The following LOXHD1 variants were observed in gnomAD, a reference collection of about 807,000 sequenced individuals.
LOXHD1 encodes the protein lipoxygenase homology PLAT domains 1, also known as lipoxygenase homology domain-containing protein 1.
A neutral mutation model predicts 248.2 loss-of-function variants in LOXHD1; 205 were observed. The observed-to-expected ratio is 0.83, with a 90% confidence interval of 0.74 to 0.93. The LOEUF (loss-of-function observed/expected upper bound fraction) is 0.93, where lower values mean the gene tolerates loss of function less well. LOXHD1 is among the 40% of genes least tolerant of loss of function. The pLI is 0.00. For synonymous variants in LOXHD1, 1,113 were observed against 1,162.8 expected, an observed-to-expected ratio of 0.96 and a Z score of 0.87; for missense variants, 2,930 against 2,971.6, an observed-to-expected ratio of 0.99 and a Z score of 0.33.
In LOXHD1 at chr18:46,623,054, C is replaced by T. The variant is rs115304794; in HGVS notation, c.512-4764G>A. On this transcript the variant is annotated intron_variant, in intron 4 of 40. Coordinates refer to ENST00000642948, the MANE Select transcript of LOXHD1 (RefSeq NM_001384474.1). Reference sequence around the variant, plus strand: ...AGCTCTAGAGCTGGCCTGTGATTTACCCATTTAGTGTATTATCTGTTGTTC... The same window carrying T: ...AGCTCTAGAGCTGGCCTGTGATTTATCCATTTAGTGTATTATCTGTTGTTC... 8.3e-3 allele frequency among the ~76,000 whole-genome samples: 1,268 copies of T among 152,238 alleles called. 30 individuals are homozygous for T. Among genetic ancestry groups the T allele is most frequent in the African/African-American group, 0.029 (1,224 of 41,534 alleles).
chr18:46,560,052 TCCCCAC>T, intron 19 of LOXHD1, 25 bp downstream of exon 19: 96 of 440,276 alleles, frequency 2.2e-4, no homozygotes, highest in Non-Finnish European at 3.3e-4. Context: ...GGCCACTCCC[TCCCCAC>T]CCCCACCCCC....
At chr18:46,524,980 C>T in intron 29 of LOXHD1, 63 bp from the exon 30 acceptor site, 1 of 1,528,416 alleles carries the variant, frequency 6.5e-7, no homozygotes, top group Admixed American at 2.0e-5. Context: ...CACTCCAGCC[C>T]CACCCTTCTG....
At chr18:46,605,591 G>A (rs566529947) in intron 6 of LOXHD1, among the ~76,000 whole-genome samples, 23 of 152,142 alleles carry the variant, frequency 1.5e-4, no homozygotes, top group Non-Finnish European at 2.9e-4. Context: ...CAACCAACTG[G>A]TATCAAAGAC....
At chr18:46,563,000 C>T in intron 18 of LOXHD1, 65 bp downstream of exon 18, 1 of 1,493,560 alleles carries the variant, frequency 6.7e-7, no homozygotes, top group South Asian at 1.3e-5. Flanking sequence ...ATTAGTACAC[C>T]CAGGGAAGCA....
At chr18:46,568,918 C>T (rs930255682) in intron 16 of LOXHD1, among the ~76,000 whole-genome samples, 1 of 152,186 alleles carries the variant, frequency 6.6e-6, no homozygotes, top group Non-Finnish European at 1.5e-5. Context: ...TCACCTGGAG[C>T]CTTGATCTGG....
intron 1 of LOXHD1, among the ~76,000 whole-genome samples, chr18:46,654,101 C>T (rs1277610753): frequency 1.3e-5 from 2 of 152,068 alleles, no homozygotes; most frequent in Non-Finnish European, 2.9e-5. Context: ...GATTGGGTGC[C>T]GTTATAAAGG....
At chr18:46,581,280 T>G (rs895085306) in intron 12 of LOXHD1, among the ~76,000 whole-genome samples, 1 of 152,190 alleles carries the variant, frequency 6.6e-6, no homozygotes, top group African/African-American at 2.4e-5. Flanking sequence ...TAAAATGTAC[T>G]GTTTTGGACA....
At chr18:46,618,738 C>A (rs1406281688) in intron 4 of LOXHD1, among the ~76,000 whole-genome samples, 1 of 152,162 alleles carries the variant, frequency 6.6e-6, no homozygotes, top group East Asian at 1.9e-4. Flanking sequence ...CTGCCTTTCC[C>A]AGTCTGTTTT....
intron 40 of LOXHD1, among the ~76,000 whole-genome samples, chr18:46,481,872 T>C (rs2032601660): frequency 6.6e-6 from 1 of 152,224 alleles, no homozygotes; most frequent in African/African-American, 2.4e-5. Flanking sequence ...CAGGTGGTGC[T>C]GAGAACTCTC....
intron 21 of LOXHD1, among the ~76,000 whole-genome samples, chr18:46,555,576 T>C (rs1232431020): frequency 6.6e-6 from 1 of 152,168 alleles, no homozygotes; most frequent in Non-Finnish European, 1.5e-5. Context: ...GTTGATTTAA[T>C]TCAACAAATA....
intron 12 of LOXHD1, among the ~76,000 whole-genome samples, chr18:46,590,483 T>C (rs1006632239): frequency 6.6e-6 from 1 of 152,184 alleles, no homozygotes; most frequent in Admixed American, 6.5e-5. Flanking sequence ...CCCCAGTTCT[T>C]TATACCTGCA....
At chr18:46,619,086 G>T (rs1256581637) in intron 4 of LOXHD1, among the ~76,000 whole-genome samples, 1 of 152,120 alleles carries the variant, frequency 6.6e-6, no homozygotes, top group Non-Finnish European at 1.5e-5. Context: ...AAAGGTCAGG[G>T]GTTGGTATTT....
chr18:46,478,028 C>A, intron 40 of LOXHD1, 76 bp from the exon 41 acceptor site: 1 of 1,477,708 alleles, frequency 6.8e-7, no homozygotes, highest in South Asian at 1.4e-5. Flanking sequence ...CCCCAGATCC[C>A]CTTGCTCATC....
chr18:46,594,112 C>G (rs1377876723), intron 9 of LOXHD1, among the ~76,000 whole-genome samples: 1 of 152,166 alleles, frequency 6.6e-6, no homozygotes, highest in African/African-American at 2.4e-5. Flanking sequence ...TTTGGTGACA[C>G]TGGAGTCAGC....
chr18:46,626,721 G>T (rs1458793046), intron 4 of LOXHD1, among the ~76,000 whole-genome samples: 3 of 151,912 alleles, frequency 2.0e-5, no homozygotes, highest in Non-Finnish European at 4.4e-5. Context: ...TGTTAACAGG[G>T]GTGTCTCCAA....
chr18:46,618,348 G>A (rs933862645), intron 4 of LOXHD1, 58 bp from the exon 5 acceptor site: 3 of 1,189,316 alleles, frequency 2.5e-6, no homozygotes, highest in Non-Finnish European at 2.4e-6. Context: ...AGAGAATAGA[G>A]GCCCCAAAGT....
chr18:46,605,162 T>C (rs2038393753), intron 6 of LOXHD1, among the ~76,000 whole-genome samples: 1 of 152,208 alleles, frequency 6.6e-6, no homozygotes. Context: ...TGTCTCTATA[T>C]AAGTTCAAAG....
chr18:46,505,736 C>T, intron 37 of LOXHD1, 102 bp downstream of exon 37: 1 of 1,275,734 alleles, frequency 7.8e-7, no homozygotes, highest in Non-Finnish European at 1.1e-6. Context: ...TTTCTGCCAC[C>T]CTGGGGTAAT....
At chr18:46,552,023 T>C (rs2037128499) in intron 21 of LOXHD1, among the ~76,000 whole-genome samples, 1 of 151,904 alleles carries the variant, frequency 6.6e-6, no homozygotes, top group African/African-American at 2.4e-5. Context: ...AGACAAAAAG[T>C]GGAATGGTGG....
Sources: allele counts gnomAD v4.1 joint callset (sites outside exome capture counted in the v4.1 genomes callset), GRCh38; gene constraint gnomAD v4.1.1; transcripts MANE v1.5; gene names NCBI Gene and HGNC (gene_info 2026-07-23, HGNC 2026-07-21).